Variants in HERC2 observed in about 807,000 individuals in gnomAD.
HERC2 encodes the protein HECT and RLD domain containing E3 ubiquitin protein ligase 2, also known as E3 ubiquitin-protein ligase HERC2.
In HERC2, 102 loss-of-function variants were observed where a neutral mutation model predicts 537.7. That is an observed-to-expected ratio of 0.19 (90% CI 0.16 to 0.22). HERC2 has a LOEUF of 0.22. Among genes scored for constraint, HERC2 ranks in the 10% least tolerant of loss-of-function variants. HERC2 has a pLI of 1.00. For missense variants in HERC2, 4,236 were observed against 6,198.2 expected (o/e 0.68, Z 10.63); for synonymous variants, 2,224 against 2,466.2 (o/e 0.90, Z 2.91).
intron 38 of HERC2, among the ~76,000 whole-genome samples, chr15:28,217,103 TACAC>T (rs909056143): frequency 1.4e-5 from 2 of 142,260 alleles, no homozygotes; most frequent in African/African-American, 2.8e-5. Context: ...ATCGCACACT[TACAC>T]ACTTGTGCTG....
intron 79 of HERC2, among the ~76,000 whole-genome samples, chr15:28,133,757 G>A (rs1289624802): frequency 6.6e-6 from 1 of 152,200 alleles, no homozygotes; most frequent in African/African-American, 2.4e-5. Flanking sequence ...TAGAAACTGT[G>A]AGAAGTCCAG....
Position 28,268,730 on chromosome 15 carries a change from G to T in HERC2, c.1447-114C>A. On this transcript the variant is annotated intron_variant, in intron 11 of 92. Transcript: ENST00000261609. The surrounding 1 kb of genome is among the most constrained non-coding windows in gnomAD (Gnocchi z 4.7). ...AAAGCCTGCTGTAACTCCAAGTGGG[G>T]CATAAGTCTCTGGGAACTACGGGGC... The T allele has an allele frequency of 2.3e-6, 2 of 873,728 alleles. No individual in the cohort carries two copies. Among genetic ancestry groups the T allele is most frequent in the Non-Finnish European group, 3.5e-6 (2 of 564,080 alleles). The allele number at this position is 873,728 out of a possible 1,614,324, so 54.1% of individuals were successfully genotyped here.
chr15:28,117,333 G>C, intron 86 of HERC2, 179 bp from the exon 87 acceptor site: 1 of 720,216 alleles, frequency 1.4e-6, no homozygotes, highest in Non-Finnish European at 2.5e-6. Flanking sequence ...CTCGACTGTG[G>C]ACACCCGAGA....
chr15:28,111,483 A>G lies in HERC2; in HGVS notation c.*280T>C. 1 of 412,212 alleles carries G rather than the reference A, an allele frequency of 2.4e-6. No individual in the cohort carries two copies. Among genetic ancestry groups the G allele is most frequent in the Non-Finnish European group, 4.3e-6 (1 of 233,478 alleles). The allele number at this position is 412,212 out of a possible 1,614,324, so 25.5% of individuals were successfully genotyped here. ...GGGGATGCTGCAATTTGGTATTTAT[A>G]TAAACATTTACACACTTTAGTAAAC... is the stretch of plus-strand genomic sequence containing the variant. On this transcript the variant is annotated 3_prime_UTR_variant, in exon 93 of 93. Coordinates refer to ENST00000261609, the MANE Select transcript of HERC2 (RefSeq NM_004667.6).
At chr15:28,278,066 G>A (rs2075923321) in intron 5 of HERC2, among the ~76,000 whole-genome samples, 1 of 151,488 alleles carries the variant, frequency 6.6e-6, no homozygotes, top group Non-Finnish European at 1.5e-5. Context: ...GACCAGCCCG[G>A]GCAACATGGC....
rs76154986 is a variant in HERC2 at position 28,302,319 on chromosome 15, T to C, written c.73-2803A>G. Among the ~76,000 whole-genome samples the C allele has an allele frequency of 4.9e-4, 75 of 151,874 alleles. No individual in the cohort carries two copies. The East Asian group carries it at 0.012, about 24-fold the overall frequency. On this transcript the variant is annotated intron_variant, in intron 2 of 92. Transcript: ENST00000261609. ...ACGTAACGACCTCCAGTTCTATCCA[T>C]GTTGTTGCAAACGGCAGTATCCCAT...
At chr15:28,114,490 G>C in intron 90 of HERC2, 122 bp downstream of exon 90, 2 of 824,202 alleles carry the variant, frequency 2.4e-6, no homozygotes, top group Non-Finnish European at 3.9e-6. Flanking sequence ...ATCAGCAATA[G>C]TTGGAGCCAA....
intron 2 of HERC2, among the ~76,000 whole-genome samples, chr15:28,301,731 ATG>A (rs1202140643): frequency 0.022 from 468 of 21,490 alleles, 31 homozygotes; most frequent in East Asian, 0.21. Flanking sequence ...AGTTGTATGT[ATG>A]TGTATATATA....
intron 48 of HERC2, among the ~76,000 whole-genome samples, chr15:28,199,594 C>T (rs1897698490): frequency 6.6e-6 from 1 of 152,150 alleles, no homozygotes; most frequent in African/African-American, 2.4e-5. Flanking sequence ...CACTATGGTG[C>T]AGCCCCTAAT....
intron 82 of HERC2, 72 bp from the exon 83 acceptor site, chr15:28,130,374 C>A: frequency 6.2e-7 from 1 of 1,607,326 alleles, no homozygotes; most frequent in South Asian, 1.1e-5. Flanking sequence ...GCCTCCTGGG[C>A]AGCCTCTGCT....
chr15:28,266,428 T>C (rs2075569371), intron 12 of HERC2, among the ~76,000 whole-genome samples: 2 of 151,964 alleles, frequency 1.3e-5, no homozygotes, highest in South Asian at 4.2e-4. Context: ...GGCAGGAGAA[T>C]CGCTTGAACC....
chr15:28,152,820 A>G lies in HERC2; in HGVS notation c.10757T>C (p.Met3586Thr), dbSNP rs1437029199. The G allele has an allele frequency of 7.7e-6, 12 of 1,562,064 alleles. No homozygotes were observed. The highest frequency in any genetic ancestry group is 5.6e-5 in the Admixed American group (3 of 53,202). The change falls in exon 70 of 93, where the codon ATG becomes ACG. Residue 3586 changes from methionine to threonine, a missense_variant. By Grantham distance (81) the Met-to-Thr change is moderately conservative. Transcript: ENST00000261609. Reference sequence around the variant, plus strand: ...CTCGGTGACACAGAGCTCCAACAGCATATCTGCCACCTGGAGAGGAAGCAA... The same window carrying G: ...CTCGGTGACACAGAGCTCCAACAGCGTATCTGCCACCTGGAGAGGAAGCAA... ...MGTAYPQVAD[M>T]LLELCVTELE...
At chr15:28,127,088 A>G (rs1889577174) in intron 83 of HERC2, among the ~76,000 whole-genome samples, 3 of 152,336 alleles carry the variant, frequency 2.0e-5, no homozygotes, top group South Asian at 4.1e-4. Context: ...TCAAATCCAG[A>G]GAGACTCCTC....
At chr15:28,211,597 A>G (rs1475459810) in intron 43 of HERC2, among the ~76,000 whole-genome samples, 15 of 152,090 alleles carry the variant, frequency 9.9e-5, no homozygotes, top group Non-Finnish European at 1.2e-4. Context: ...AGCAGCACAG[A>G]GAGCATGGGG....
intron 23 of HERC2, among the ~76,000 whole-genome samples, chr15:28,242,947 T>C (rs1390022613): frequency 6.6e-6 from 1 of 152,174 alleles, no homozygotes; most frequent in African/African-American, 2.4e-5. Context: ...ACAAACATCA[T>C]ACTTTGTGTG....
Position 28,146,331 on chromosome 15 carries a change from G to C in HERC2, c.10914C>G (p.Leu3638=). 1 of 1,613,542 alleles carries C rather than the reference G, an allele frequency of 6.2e-7. No individual in the cohort carries two copies. Among genetic ancestry groups the C allele is most frequent in the Non-Finnish European group, 8.5e-7 (1 of 1,179,584 alleles). The part of the protein sequence containing the change: ...GTVKIPGAEG[L]RVEFDRQCST... ...AGCACTGCCGGTCAAATTCTACCCT[G>C]AGTCCTTCTGCACCTGAAGGACAGG... Residue 3638 remains leucine (L), a synonymous_variant, in exon 71 of 93, where the codon CTC becomes CTG. Coordinates refer to ENST00000261609, the MANE Select transcript of HERC2 (RefSeq NM_004667.6).
At chr15:28,167,585 G>T in intron 68 of HERC2, 102 bp downstream of exon 68, 1 of 1,384,794 alleles carries the variant, frequency 7.2e-7, no homozygotes, top group Non-Finnish European at 1.0e-6. Context: ...CGAGGTGAAT[G>T]GGATAGGAAT....
intron 2 of HERC2, among the ~76,000 whole-genome samples, chr15:28,311,453 A>G (rs1378782350): frequency 1.6e-4 from 24 of 152,180 alleles, no homozygotes; most frequent in African/African-American, 5.8e-4. Flanking sequence ...CAACAGAGTG[A>G]GACCCTGACT....
intron 83 of HERC2, among the ~76,000 whole-genome samples, chr15:28,128,676 G>A (rs889699662): frequency 2.6e-5 from 4 of 152,222 alleles, no homozygotes; most frequent in South Asian, 2.1e-4. Flanking sequence ...TTTCACTGCT[G>A]CCATAACACA....
Sources: allele counts gnomAD v4.1 joint callset (sites outside exome capture counted in the v4.1 genomes callset), GRCh38; gene constraint gnomAD v4.1.1; non-coding constraint Gnocchi (gnomAD v3.1); transcripts MANE v1.5; gene names NCBI Gene and HGNC (gene_info 2026-07-23, HGNC 2026-07-21).